Variants in KCNH8 observed in about 807,000 individuals in gnomAD.
KCNH8 encodes the protein potassium voltage-gated channel subfamily H member 8, also known as voltage-gated delayed rectifier potassium channel KCNH8.
Under a neutral mutation model 103.6 loss-of-function variants are expected in KCNH8, and 70 were observed. The ratio of observed to expected loss-of-function variants is 0.68; its 90% CI spans 0.56 to 0.82. KCNH8 has a LOEUF of 0.82. KCNH8 is among the 40% of genes least tolerant of loss of function. The pLI is 0.00. For missense variants in KCNH8, 1,217 were observed against 1,329.9 expected (o/e 0.92, Z 1.32); for synonymous variants, 498 against 489.4 (o/e 1.02, Z -0.23).
chr3:19,397,648 A>T (rs1405533943), intron 7 of KCNH8, among the ~76,000 whole-genome samples: 1 of 151,596 alleles, frequency 6.6e-6, no homozygotes, highest in Non-Finnish European at 1.5e-5. Flanking sequence ...TGATCATGGC[A>T]TGTCAAATAA....
chr3:19,291,851 T>A (rs920575346), intron 3 of KCNH8, among the ~76,000 whole-genome samples: 7 of 152,216 alleles, frequency 4.6e-5, no homozygotes, highest in Non-Finnish European at 1.0e-4. Flanking sequence ...CAAGTCATTA[T>A]GGGCCTTGAA....
chr3:19,276,181 G>GTGTGTGTT (rs2064668350), intron 2 of KCNH8, among the ~76,000 whole-genome samples: 1 of 129,736 alleles, frequency 7.7e-6, no homozygotes, highest in Non-Finnish European at 1.5e-5. Context: ...GTATATGTGT[G>GTGTGTGTT]TGTGTGTGTG....
chr3:19,240,296 T>C (rs772338560), intron 1 of KCNH8, among the ~76,000 whole-genome samples: 11 of 152,150 alleles, frequency 7.2e-5, no homozygotes, highest in Non-Finnish European at 1.2e-4. Flanking sequence ...AATTTCTATC[T>C]AAGCATAGCT....
chr3:19,331,845 A>G (rs1041735514), intron 3 of KCNH8, among the ~76,000 whole-genome samples: 2 of 152,132 alleles, frequency 1.3e-5, no homozygotes, highest in African/African-American at 2.4e-5. Context: ...TATTTATTCT[A>G]TCTAACTATA....
intron 5 of KCNH8, among the ~76,000 whole-genome samples, chr3:19,349,085 C>T (rs2065765567): frequency 6.6e-6 from 1 of 151,910 alleles, no homozygotes; most frequent in Non-Finnish European, 1.5e-5. Flanking sequence ...AGGACCTCTG[C>T]TGTCACCCCA....
chr3:19,410,517 A>G (rs2066760319), intron 7 of KCNH8, among the ~76,000 whole-genome samples: 1 of 152,134 alleles, frequency 6.6e-6, no homozygotes, highest in Admixed American at 6.6e-5. Flanking sequence ...CCTTAAAGCT[A>G]GCAGGAGAAA....
At chr3:19,245,242 G>T (rs996772760) in intron 1 of KCNH8, among the ~76,000 whole-genome samples, 3 of 151,936 alleles carry the variant, frequency 2.0e-5, no homozygotes, top group Non-Finnish European at 4.4e-5. Context: ...TGCTTTTGTT[G>T]TTCTTGTAAA....
intron 11 of KCNH8, among the ~76,000 whole-genome samples, chr3:19,503,943 TA>T (rs2068642564): frequency 1.3e-5 from 2 of 151,582 alleles, no homozygotes; most frequent in African/African-American, 4.8e-5. Context: ...ATAATAATAA[TA>T]AAGAAAATTA....
At chr3:19,160,800 C>A (rs1483180941) in intron 1 of KCNH8, among the ~76,000 whole-genome samples, 1 of 152,116 alleles carries the variant, frequency 6.6e-6, no homozygotes, top group African/African-American at 2.4e-5. Context: ...GCTGTACATG[C>A]TACCTCTCCT....
intron 15 of KCNH8, among the ~76,000 whole-genome samples, chr3:19,522,319 GAGAGCCAGTGGTGTC>G (rs2125248713): frequency 6.6e-6 from 1 of 151,964 alleles, no homozygotes; most frequent in Admixed American, 6.6e-5. Flanking sequence ...TAAAAACCAG[GAGAGCCAGTGGTGTC>G]AGTTCCATTT....
At chr3:19,337,428 G>A (rs577420771) in intron 3 of KCNH8, among the ~76,000 whole-genome samples, 1 of 152,002 alleles carries the variant, frequency 6.6e-6, no homozygotes, top group Middle Eastern at 3.4e-3. Context: ...TCATCTCTCA[G>A]TGTTGCTTAG....
intron 8 of KCNH8, 152 bp downstream of exon 8, chr3:19,438,513 G>A: frequency 3.0e-6 from 2 of 671,132 alleles, no homozygotes; most frequent in Non-Finnish European, 2.5e-6. Context: ...ATGCAAAGCT[G>A]TAGTTGTCTC....
chr3:19,170,539 C>A lies in KCNH8; in HGVS notation c.76+21744C>A, dbSNP rs554691983. Among the ~76,000 whole-genome samples, 3 of 148,934 alleles carry A rather than the reference C, an allele frequency of 2.0e-5. No individual in the cohort carries two copies. In the Admixed American group the frequency reaches 2.0e-4, roughly 10 times the overall value. On this transcript the variant is annotated intron_variant, in intron 1 of 15. Coordinates refer to ENST00000328405, the MANE Select transcript of KCNH8 (RefSeq NM_144633.3). ...CACAGGCTTAAGGATGTTCCAACTT[C>A]AATGTTCAGTCTTCCTTCAGCAAGT...
intron 1 of KCNH8, among the ~76,000 whole-genome samples, chr3:19,209,419 G>A (rs1336447563): frequency 6.6e-6 from 1 of 152,042 alleles, no homozygotes; most frequent in Non-Finnish European, 1.5e-5. Context: ...TATCTAGAAA[G>A]TAATGCTGAT....
intron 1 of KCNH8, among the ~76,000 whole-genome samples, chr3:19,207,503 A>T (rs114782069): frequency 0.02 from 2,986 of 152,124 alleles, 94 homozygotes; most frequent in African/African-American, 0.066. Context: ...TTATTCAAAT[A>T]GTCTTTGATT....
At chr3:19,189,150 G>A (rs2125208237) in intron 1 of KCNH8, among the ~76,000 whole-genome samples, 1 of 152,122 alleles carries the variant, frequency 6.6e-6, no homozygotes, top group African/African-American at 2.4e-5. Flanking sequence ...AACAACAACA[G>A]TTAAGATACA....
intron 2 of KCNH8, among the ~76,000 whole-genome samples, chr3:19,269,979 T>A (rs561981827): frequency 6.6e-6 from 1 of 152,138 alleles, no homozygotes; most frequent in Non-Finnish European, 1.5e-5. Flanking sequence ...ATATGATTTT[T>A]ACACTAACAA....
chr3:19,433,159 A>G (rs2067148031), intron 7 of KCNH8, among the ~76,000 whole-genome samples: 1 of 152,152 alleles, frequency 6.6e-6, no homozygotes, highest in Non-Finnish European at 1.5e-5. Flanking sequence ...TTCAACTTTT[A>G]TGTAGACTAT....
intron 2 of KCNH8, among the ~76,000 whole-genome samples, chr3:19,265,905 G>A (rs552625567): frequency 6.6e-6 from 1 of 151,986 alleles, no homozygotes; most frequent in African/African-American, 2.4e-5. Flanking sequence ...ACAATCACTG[G>A]CACCAGAAAT....
Sources: allele counts gnomAD v4.1 joint callset (sites outside exome capture counted in the v4.1 genomes callset), GRCh38; gene constraint gnomAD v4.1.1; transcripts MANE v1.5; gene names NCBI Gene and HGNC (gene_info 2026-07-23, HGNC 2026-07-21).